SNTG2: variants seen among roughly 807,000 people sequenced by gnomAD.
SNTG2 encodes gamma-2-syntrophin.
SNTG2 carries 74 observed loss-of-function variants against 70.9 expected under a neutral mutation model. The ratio of observed to expected loss-of-function variants is 1.04; its 90% confidence interval spans 0.86 to 1.27. SNTG2 has a LOEUF of 1.27. Ranked by LOEUF, SNTG2 falls within the 50% of genes most tolerant of loss-of-function variation. The pLI is 0.00. For missense variants in SNTG2, 717 were observed against 690.7 expected (o/e 1.04, Z -0.43); for synonymous variants, 278 against 273.8 (o/e 1.02, Z -0.15).
chr2:1,082,259 G>A (rs766410979), intron 1 of SNTG2, among the ~76,000 whole-genome samples: 1 of 152,110 alleles, frequency 6.6e-6, no homozygotes. Flanking sequence ...TATTTGATGA[G>A]CTGGTTTTTT....
intron 11 of SNTG2, chr2:1,242,925 G>A (rs753842417): frequency 1.3e-5 from 2 of 152,160 alleles, no homozygotes; most frequent in Non-Finnish European, 2.9e-5. Flanking sequence ...GTTTCTAAAA[G>A]TATAATACAC....
intron 15 of SNTG2, among the ~76,000 whole-genome samples, chr2:1,311,706 T>C: frequency 6.6e-6 from 1 of 152,212 alleles, no homozygotes; most frequent in East Asian, 1.9e-4. Flanking sequence ...AAATGTTACT[T>C]TCTCCGGTAC....
chr2:1,199,234 A>G (rs935058267), intron 8 of SNTG2, among the ~76,000 whole-genome samples: 5 of 134,484 alleles, frequency 3.7e-5, no homozygotes, highest in African/African-American at 1.3e-4. Flanking sequence ...AATATATGCA[A>G]ATCAATAAAT....
chr2:1,136,853 T>C (rs545485464), intron 4 of SNTG2, among the ~76,000 whole-genome samples: 30 of 152,332 alleles, frequency 2.0e-4, no homozygotes, highest in Admixed American at 1.0e-3. Flanking sequence ...GTTTTTCTCT[T>C]TGTTGCCTTT....
At chr2:1,359,874 C>T (rs1488250306) in intron 16 of SNTG2, among the ~76,000 whole-genome samples, 1 of 152,124 alleles carries the variant, frequency 6.6e-6, no homozygotes, top group Non-Finnish European at 1.5e-5. Context: ...TAGAATGCTG[C>T]CTTTCTGTAG....
intron 16 of SNTG2, among the ~76,000 whole-genome samples, chr2:1,360,952 A>C (rs952530948): frequency 6.6e-6 from 1 of 152,182 alleles, no homozygotes; most frequent in African/African-American, 2.4e-5. Context: ...GATCCCACCC[A>C]CAGGCTCTGA....
intron 1 of SNTG2, among the ~76,000 whole-genome samples, chr2:1,060,878 A>G (rs962900758): frequency 2.8e-4 from 43 of 152,210 alleles, no homozygotes; most frequent in Admixed American, 2.5e-3. Flanking sequence ...CACAGTCCCA[A>G]TGGGTCCTCC....
chr2:1,065,592 A>G (rs1663097674), intron 1 of SNTG2, among the ~76,000 whole-genome samples: 1 of 152,178 alleles, frequency 6.6e-6, no homozygotes, highest in African/African-American at 2.4e-5. Context: ...TATTCAAATT[A>G]TTTTCAAAGG....
At chr2:1,051,450 C>A (rs970894516) in intron 1 of SNTG2, among the ~76,000 whole-genome samples, 12 of 152,174 alleles carry the variant, frequency 7.9e-5, no homozygotes, top group Non-Finnish European at 1.5e-4. Flanking sequence ...AATCAATGAT[C>A]ATATAAGTTC....
At chr2:1,133,977 G>A (rs1249491262) in intron 4 of SNTG2, among the ~76,000 whole-genome samples, 1 of 152,140 alleles carries the variant, frequency 6.6e-6, no homozygotes, top group Non-Finnish European at 1.5e-5. Context: ...GTTTGGATGT[G>A]TTTAGAGTTT....
intron 6 of SNTG2, among the ~76,000 whole-genome samples, chr2:1,139,768 GCA>G (rs964140128): frequency 6.0e-5 from 9 of 149,688 alleles, no homozygotes; most frequent in Middle Eastern, 3.6e-3. Context: ...GTTTGAGGCT[GCA>G]TGAGCTATTA....
chr2:963,006 T>C (rs143346300), intron 1 of SNTG2, among the ~76,000 whole-genome samples: 1 of 152,304 alleles, frequency 6.6e-6, no homozygotes, highest in Admixed American at 6.5e-5. Context: ...GGTAACATGA[T>C]TTCTCATACC....
At chr2:956,043 GC>G (rs376327161) in intron 1 of SNTG2, among the ~76,000 whole-genome samples, 4,871 of 107,850 alleles carry the variant, frequency 0.045, 296 homozygotes, top group African/African-American at 0.16. Context: ...CCCTGCCCCT[GC>G]CCCTGCCCCT....
At chr2:1,217,531 T>C (rs1674474609) in intron 9 of SNTG2, among the ~76,000 whole-genome samples, 1 of 152,212 alleles carries the variant, frequency 6.6e-6, no homozygotes, top group East Asian at 1.9e-4. Flanking sequence ...TTCCCTCAAG[T>C]TCTCCAACAG....
chr2:1,284,016 G>C (rs1462722356), intron 14 of SNTG2, among the ~76,000 whole-genome samples: 4 of 152,122 alleles, frequency 2.6e-5, no homozygotes, highest in South Asian at 4.2e-4. Flanking sequence ...GTGAGCCGCC[G>C]ACCTGCCGTT....
intron 14 of SNTG2, among the ~76,000 whole-genome samples, chr2:1,271,062 C>A (rs1164382926): frequency 6.6e-6 from 1 of 152,148 alleles, no homozygotes; most frequent in African/African-American, 2.4e-5. Context: ...TCTCCATCAT[C>A]AGGATAGTAG....
intron 4 of SNTG2, among the ~76,000 whole-genome samples, chr2:1,117,575 C>T (rs1667117545): frequency 6.6e-6 from 1 of 152,128 alleles, no homozygotes; most frequent in South Asian, 2.1e-4. Flanking sequence ...TGGGGCTGAG[C>T]AGATGAGGTA....
At chr2:1,063,985 A>G (rs921860381) in intron 1 of SNTG2, among the ~76,000 whole-genome samples, 2 of 152,234 alleles carry the variant, frequency 1.3e-5, no homozygotes, top group African/African-American at 4.8e-5. Context: ...TTTTGAAAGC[A>G]TATAATAATC....
Position 1,219,711 on chromosome 2 carries a change from G to A in SNTG2, c.719+10481G>A, listed in dbSNP as rs954310205. Among the ~76,000 whole-genome samples, 12 of 150,554 alleles carry A rather than the reference G, an allele frequency of 8.0e-5. No individual in the cohort carries two copies. In the Middle Eastern group the frequency reaches 0.01, roughly 129 times the overall value. The stretch of plus-strand genomic sequence containing the variant: ...GAAGGGAGGGGAGTGGAGGGGAGGC[G>A]AGGGGAGGGGAGGCGGAGAGGAAGA... On this transcript the variant is annotated intron_variant, in intron 9 of 16. Coordinates refer to ENST00000308624, the MANE Select transcript of SNTG2 (RefSeq NM_018968.4).
Sources: allele counts gnomAD v4.1 joint callset (sites outside exome capture counted in the v4.1 genomes callset), GRCh38; gene constraint gnomAD v4.1.1; transcripts MANE v1.5; gene names NCBI Gene and HGNC (gene_info 2026-07-23, HGNC 2026-07-21).